BPNT1: variants seen among roughly 807,000 people sequenced by gnomAD.
The protein encoded by BPNT1 is 3'(2'),5'-bisphosphate nucleotidase 1.
BPNT1 carries 28 observed loss-of-function variants against 36.9 expected under a neutral mutation model. The ratio of observed to expected loss-of-function variants is 0.76; its 90% confidence interval spans 0.56 to 1.04. The LOEUF (loss-of-function observed/expected upper bound fraction) is 1.04. BPNT1 is among the 50% of genes least tolerant of loss of function. The probability of loss-of-function intolerance (pLI) is 0.00; values close to 1 mark genes in which losing one functional copy is unlikely to be tolerated. For missense variants in BPNT1, 313 were observed against 372.9 expected, an observed-to-expected ratio of 0.84 and a Z score of 1.32; for synonymous variants, 119 against 130.9, an observed-to-expected ratio of 0.91 and a Z score of 0.62.
chr1:220,070,116 T>C (rs1663926132), intron 4 of BPNT1, among the ~76,000 whole-genome samples: 2 of 152,230 alleles, frequency 1.3e-5, no homozygotes, highest in South Asian at 2.1e-4. Context: ...TTTTTATATA[T>C]AAGTGCTGAT....
At chr1:220,088,825 C>A (rs1483013948) in intron 1 of BPNT1, among the ~76,000 whole-genome samples, 3 of 149,942 alleles carry the variant, frequency 2.0e-5, no homozygotes, top group African/African-American at 7.4e-5. Context: ...AAAGGCTGGG[C>A]GCGGTGGCTC....
intron 2 of BPNT1, among the ~76,000 whole-genome samples, chr1:220,078,207 G>T (rs1415297830): frequency 7.3e-6 from 1 of 137,574 alleles, no homozygotes; most frequent in Non-Finnish European, 1.6e-5. Context: ...AAAAAAAAAA[G>T]ATTATAATAA....
intron 6 of BPNT1, among the ~76,000 whole-genome samples, chr1:220,066,542 A>G (rs2102657782): frequency 6.6e-6 from 1 of 152,342 alleles, no homozygotes; most frequent in South Asian, 2.1e-4. Flanking sequence ...CACTCTGATT[A>G]CTTTGTTTCT....
chr1:220,080,182 T>G (rs1664974555), intron 1 of BPNT1, among the ~76,000 whole-genome samples: 1 of 152,166 alleles, frequency 6.6e-6, no homozygotes, highest in African/African-American at 2.4e-5. Context: ...GAAGGTGCTT[T>G]GTAGGCTAAA....
At position 220,058,754 on chromosome 1, in the gene BPNT1, C is replaced by A. The variant is rs1249927310; in HGVS notation, c.*90G>T. 2.3e-6 allele frequency: 3 copies of A among 1,320,104 alleles called. No homozygotes were observed. The highest frequency in any genetic ancestry group is 4.7e-5 in the East Asian group (2 of 42,278). 81.8% of individuals were successfully genotyped at this position (1,320,104 alleles called of 1,614,324 possible). A position where few individuals can be genotyped will look rare whatever the true frequency, so the allele number is the denominator to read the frequency against. ...ATATTGCCCAGGCTGGTCTCAAACT[C>A]CTGAGCTCAAGTGATCCACCTGCCT... On this transcript the variant is annotated 3_prime_UTR_variant, in exon 9 of 9. Transcript: ENST00000322067.
rs909687805 is a variant in BPNT1 at position 220,072,727 on chromosome 1, T to C, written c.333+123A>G. On this transcript the variant is annotated intron_variant, in intron 4 of 8. Transcript: ENST00000322067. Reference sequence around the variant, plus strand: ...ACTTCCATGTTGGCTCTGAAAGATATCAAGTTTCTGGTTGCCCCTATTTTA... The same window carrying C: ...ACTTCCATGTTGGCTCTGAAAGATACCAAGTTTCTGGTTGCCCCTATTTTA... 7.1e-6 allele frequency: 5 copies of C among 706,148 alleles called. No homozygotes were observed. The East Asian group carries it at 8.1e-5, about 11-fold the overall frequency. The allele number at this position is 706,148 out of a possible 1,614,324, so 43.7% of individuals were successfully genotyped here.
At chr1:220,082,085 T>G (rs12133210) in intron 1 of BPNT1, among the ~76,000 whole-genome samples, 16,766 of 102,796 alleles carry the variant, frequency 0.16, 1,367 homozygotes, top group African/African-American at 0.19. Context: ...TATATATATA[T>G]AGAGAGAGAG....
chr1:220,062,981 C>A, intron 6 of BPNT1, 27 bp from the exon 7 acceptor site: 1 of 1,608,042 alleles, frequency 6.2e-7, no homozygotes, highest in South Asian at 1.1e-5. Flanking sequence ...AACAACAAGA[C>A]TTGTGGTTAT....
chr1:220,083,439 C>T (rs1282304624), intron 1 of BPNT1, among the ~76,000 whole-genome samples: 4 of 151,748 alleles, frequency 2.6e-5, no homozygotes, highest in East Asian at 2.0e-4. Flanking sequence ...TTCAGCCTCC[C>T]GAGTAGCTGG....
intron 7 of BPNT1, among the ~76,000 whole-genome samples, chr1:220,060,520 T>C (rs1400285380): frequency 2.6e-5 from 4 of 152,044 alleles, no homozygotes; most frequent in Admixed American, 1.3e-4. Flanking sequence ...CTGACCATTA[T>C]TAAATAAAGG....
At chr1:220,071,518 T>A in intron 4 of BPNT1, among the ~76,000 whole-genome samples, 1 of 152,150 alleles carries the variant, frequency 6.6e-6, no homozygotes, top group East Asian at 1.9e-4. Flanking sequence ...GTCCAGGCTG[T>A]AAGGTACATG....
Position 220,062,905 on chromosome 1 carries a change from A to G in BPNT1, c.524T>C (p.Leu175Ser), listed in dbSNP as rs1663186537. The change falls in exon 7 of 9, where the codon TTA becomes TCA. Residue 175 changes from leucine (L) to serine (S), a missense_variant. Leu to Ser is a moderately radical substitution (Grantham distance 145). Transcript: ENST00000322067. ...TTTCAGCTGAAACCCAAAGGCGCCT[A>G]AACCTAAAACTCCCCAGATTGTCCT... ...LGRTIWGVLG[L>S]GAFGFQLKEV... 6.2e-7 allele frequency: 1 copy of G among 1,614,042 alleles called. No individual in the cohort carries two copies. The highest frequency in any genetic ancestry group is 1.7e-5 in the Admixed American group (1 of 59,980).
intron 1 of BPNT1, among the ~76,000 whole-genome samples, chr1:220,080,353 T>A (rs983231419): frequency 1.3e-5 from 2 of 151,860 alleles, no homozygotes; most frequent in African/African-American, 4.8e-5. Flanking sequence ...AAAGGGAGGG[T>A]GTATTAGTCC....
chr1:220,076,519 G>T (rs1372316767), intron 2 of BPNT1, among the ~76,000 whole-genome samples: 2 of 126,950 alleles, frequency 1.6e-5, no homozygotes, highest in African/African-American at 5.9e-5. Flanking sequence ...AAAAAAAAAA[G>T]GCAAAAAAAT....
chr1:220,068,237 G>A (rs997442211), intron 5 of BPNT1, among the ~76,000 whole-genome samples: 2 of 151,940 alleles, frequency 1.3e-5, no homozygotes, highest in African/African-American at 4.8e-5. Flanking sequence ...AGGCTGGAGT[G>A]CAGTGGCATG....
Position 220,058,662 on chromosome 1 carries a change from G to T in BPNT1, c.*182C>A. Reference sequence around the variant, plus strand: ...TTCTTCTGCTTCAGCCTCTCAAGTAGCTGGGATGACAGGCGCATGACAGGA... The same window carrying T: ...TTCTTCTGCTTCAGCCTCTCAAGTATCTGGGATGACAGGCGCATGACAGGA... On this transcript the variant is annotated 3_prime_UTR_variant, in exon 9 of 9. Coordinates refer to ENST00000322067, the MANE Select transcript of BPNT1 (RefSeq NM_006085.6). The T allele has an allele frequency of 1.3e-6, 1 of 761,600 alleles. No homozygotes were observed. The highest frequency in any genetic ancestry group is 1.9e-6 in the Non-Finnish European group (1 of 520,660). The allele number at this position is 761,600 out of a possible 1,614,324, so 47.2% of individuals were successfully genotyped here.
rs753769635 is a variant in BPNT1 at position 220,072,914 on chromosome 1, C to T, written c.269G>A (p.Ser90Asn). 3 of 1,614,132 alleles carry T rather than the reference C, an allele frequency of 1.9e-6. No homozygotes were observed. Among genetic ancestry groups the T allele is most frequent in the Non-Finnish European group, 1.7e-6 (2 of 1,180,010 alleles). Residue 90 changes from serine (S) to asparagine (N), a missense_variant, in exon 4 of 9, where the codon AGT becomes AAT. Coordinates refer to ENST00000322067, the MANE Select transcript of BPNT1 (RefSeq NM_006085.6). ...TTGCTTCAGTATTTCTTCCCACTGA[C>T]TGTCTTCAATCAGCTCTTGATCCAC... ...EEVDQELIED[S>N]QWEEILKQPC...
intron 3 of BPNT1, among the ~76,000 whole-genome samples, 163 bp downstream of exon 3, chr1:220,073,804 A>C (rs975938875): frequency 3.9e-5 from 6 of 152,228 alleles, no homozygotes; most frequent in Non-Finnish European, 7.3e-5. Flanking sequence ...TCTTAAAATC[A>C]GATATTTTCC....
At chr1:220,082,330 G>T (rs1423145927) in intron 1 of BPNT1, among the ~76,000 whole-genome samples, 1 of 151,296 alleles carries the variant, frequency 6.6e-6, no homozygotes. Context: ...ATAGGTGCCT[G>T]CTACCACACT....
Sources: gnomAD v4.1 joint callset for allele counts (sites outside exome capture counted in the v4.1 genomes callset) on GRCh38, gnomAD v4.1.1 for gene constraint, MANE v1.5 for transcripts, NCBI Gene and HGNC (gene_info 2026-07-23, HGNC 2026-07-21) for gene names.